CDH18: variants seen among roughly 807,000 people sequenced by gnomAD.
CDH18 encodes the protein cadherin 18, also known as cadherin-18.
A neutral mutation model predicts 67.9 loss-of-function variants in CDH18; 31 were observed. The ratio of observed to expected loss-of-function variants is 0.46; its 90% CI spans 0.34 to 0.62. The LOEUF is 0.62. Ranked by LOEUF, CDH18 falls within the 20% of genes least tolerant of loss-of-function variation. The pLI is 0.01. For synonymous variants in CDH18, 362 were observed against 347.2 expected (o/e 1.04, Z -0.48); for missense variants, 890 against 975.5 (o/e 0.91, Z 1.17).
chr5:20,441,113 C>T (rs1180263497), intron 1 of CDH18, among the ~76,000 whole-genome samples: 1 of 151,460 alleles, frequency 6.6e-6, no homozygotes, highest in Non-Finnish European at 1.5e-5. Context: ...TAGGGGCCGC[C>T]CAAGAACAGA....
At chr5:19,817,098 A>T (rs72740837) in intron 3 of CDH18, among the ~76,000 whole-genome samples, 12,451 of 151,978 alleles carry the variant, frequency 0.082, 528 homozygotes, top group African/African-American at 0.1. Context: ...AAATAATTAC[A>T]TCTCCTCAAA....
chr5:19,580,626 C>A (rs1230804158), intron 7 of CDH18, among the ~76,000 whole-genome samples: 2 of 151,830 alleles, frequency 1.3e-5, no homozygotes, highest in South Asian at 2.1e-4. Flanking sequence ...ATGCCCTAAA[C>A]AATTAACATA....
intron 4 of CDH18, among the ~76,000 whole-genome samples, chr5:19,724,453 C>CAT (rs564540597): frequency 2.8e-4 from 42 of 151,950 alleles, no homozygotes; most frequent in African/African-American, 9.9e-4. Context: ...GTAATTGATG[C>CAT]ATAAATAGGC....
chr5:20,243,809 T>G (rs1743170270), intron 2 of CDH18, among the ~76,000 whole-genome samples: 1 of 152,096 alleles, frequency 6.6e-6, no homozygotes, highest in Non-Finnish European at 1.5e-5. Context: ...TAGTGAAACT[T>G]TATAATGGAA....
At chr5:19,543,254 C>T (rs533128236) in intron 9 of CDH18, among the ~76,000 whole-genome samples, 12 of 151,770 alleles carry the variant, frequency 7.9e-5, no homozygotes, top group East Asian at 3.9e-4. Flanking sequence ...AGAAGTATTA[C>T]GGATATATAT....
At chr5:19,813,270 C>T (rs183336776) in intron 3 of CDH18, among the ~76,000 whole-genome samples, 282 of 151,586 alleles carry the variant, frequency 1.9e-3, no homozygotes, top group Non-Finnish European at 3.3e-3. Context: ...GCACATGTAA[C>T]CCAGAACTTA....
intron 1 of CDH18, among the ~76,000 whole-genome samples, chr5:20,471,154 T>G (rs1001830916): frequency 1.3e-5 from 2 of 151,854 alleles, no homozygotes; most frequent in Non-Finnish European, 2.9e-5. Flanking sequence ...TGGGCTCCAC[T>G]GCTAAGAGCA....
chr5:19,552,819 A>ATGAG (rs1213259920), intron 8 of CDH18, among the ~76,000 whole-genome samples: 2 of 152,168 alleles, frequency 1.3e-5, no homozygotes, highest in African/African-American at 4.8e-5. Context: ...TGCCTCACCC[A>ATGAG]GTACAGGAGA....
intron 3 of CDH18, among the ~76,000 whole-genome samples, chr5:19,792,350 C>T (rs567886943): frequency 6.6e-6 from 1 of 152,142 alleles, no homozygotes; most frequent in Non-Finnish European, 1.5e-5. Flanking sequence ...TCGTAACTTA[C>T]ACCAGTAGCT....
chr5:20,104,859 C>T (rs777921522), intron 2 of CDH18, among the ~76,000 whole-genome samples: 1 of 152,140 alleles, frequency 6.6e-6, no homozygotes, highest in African/African-American at 2.4e-5. Context: ...CACAACCACA[C>T]CTACACCCAC....
chr5:20,503,006 A>AG (rs1427851739), intron 1 of CDH18, among the ~76,000 whole-genome samples: 2 of 151,814 alleles, frequency 1.3e-5, no homozygotes, highest in Non-Finnish European at 2.9e-5. Context: ...AACTTAGAAA[A>AG]AAAGGGGGTT....
intron 1 of CDH18, among the ~76,000 whole-genome samples, chr5:20,458,623 AC>A (rs370155773): frequency 1.3e-3 from 197 of 152,280 alleles, no homozygotes; most frequent in African/African-American, 4.4e-3. Flanking sequence ...GTCTCAAAAA[AC>A]AACAACAAGA....
chr5:20,121,072 C>A (rs1748315661), intron 2 of CDH18, among the ~76,000 whole-genome samples: 1 of 152,092 alleles, frequency 6.6e-6, no homozygotes, highest in South Asian at 2.1e-4. Flanking sequence ...CCCATCACTG[C>A]CACCACATAA....
chr5:20,109,269 C>T (rs914880469), intron 2 of CDH18, among the ~76,000 whole-genome samples: 2 of 152,158 alleles, frequency 1.3e-5, no homozygotes, highest in African/African-American at 4.8e-5. Context: ...CATCCTTTTA[C>T]GAAAGAGGGT....
At chr5:20,219,796 A>G (rs1431928611) in intron 2 of CDH18, among the ~76,000 whole-genome samples, 3 of 151,930 alleles carry the variant, frequency 2.0e-5, no homozygotes, top group African/African-American at 7.2e-5. Flanking sequence ...TGATAAAAAA[A>G]TCCTCAAAAA....
At chr5:20,186,372 G>T (rs921992465) in intron 2 of CDH18, among the ~76,000 whole-genome samples, 1 of 151,904 alleles carries the variant, frequency 6.6e-6, no homozygotes, top group Non-Finnish European at 1.5e-5. Context: ...GGAAATATTT[G>T]CAAATCCCAT....
chr5:19,476,602 G>A (rs1197681753), intron 12 of CDH18, among the ~76,000 whole-genome samples: 1 of 151,970 alleles, frequency 6.6e-6, no homozygotes, highest in Non-Finnish European at 1.5e-5. Context: ...TATCATGCAC[G>A]ATATATATCT....
chr5:20,028,956 A>G (rs1739152171), intron 2 of CDH18, among the ~76,000 whole-genome samples: 1 of 152,164 alleles, frequency 6.6e-6, no homozygotes, highest in Non-Finnish European at 1.5e-5. Flanking sequence ...TTTCAGGATT[A>G]TTATTTGAAT....
At chr5:20,538,898 G>GTTTGTT (rs1756877907) in intron 1 of CDH18, among the ~76,000 whole-genome samples, 1 of 106,764 alleles carries the variant, frequency 9.4e-6, no homozygotes, top group Non-Finnish European at 1.8e-5. Flanking sequence ...ATAGCCAACT[G>GTTTGTT]TTTTTTTTTT....
Sources: allele counts gnomAD v4.1 joint callset (sites outside exome capture counted in the v4.1 genomes callset), GRCh38; gene constraint gnomAD v4.1.1; transcripts MANE v1.5; gene names NCBI Gene and HGNC (gene_info 2026-07-23, HGNC 2026-07-21).